DNAI3: variants seen among roughly 807,000 people sequenced by gnomAD.
DNAI3 encodes WD repeat domain 63.
A neutral mutation model predicts 115.5 loss-of-function variants in DNAI3; 83 were observed. That is an observed-to-expected ratio of 0.72 (90% confidence interval 0.60 to 0.86). DNAI3 has a LOEUF of 0.86. Among genes scored for constraint, DNAI3 ranks in the 40% least tolerant of loss-of-function variants. The pLI is 0.00. For synonymous variants in DNAI3, 320 were observed against 347.0 expected (o/e 0.92, Z 0.86); for missense variants, 1,004 against 1,075.8 (o/e 0.93, Z 0.93).
intron 16 of DNAI3, 138 bp from the exon 17 acceptor site, chr1:85,117,591 G>T (rs1048029945): frequency 2.6e-6 from 3 of 1,167,952 alleles, no homozygotes. Flanking sequence ...ATCTAAAAAT[G>T]CTTGGACTTA....
chr1:85,082,704 C>T (rs1325151067), intron 5 of DNAI3, among the ~76,000 whole-genome samples: 5 of 152,242 alleles, frequency 3.3e-5, no homozygotes, highest in African/African-American at 9.6e-5. Context: ...GGTACCTCTG[C>T]GGGGATCCCT....
At chr1:85,097,712 A>G in intron 12 of DNAI3, 57 bp downstream of exon 12, 2 of 1,480,424 alleles carry the variant, frequency 1.4e-6, no homozygotes, top group Non-Finnish European at 1.8e-6. Flanking sequence ...GTTTATGGAA[A>G]AGTACATAAT....
At position 85,084,839 on chromosome 1, in the gene DNAI3, G is replaced by A. The variant is rs571617158; in HGVS notation, c.540+144G>A. The A allele has an allele frequency of 1.3e-5, 11 of 823,728 alleles. No homozygotes were observed. The South Asian group carries it at 4.9e-4, about 36-fold the overall frequency. 51.0% of individuals were successfully genotyped at this position (823,728 alleles called of 1,614,324 possible). A position where few individuals can be genotyped will look rare whatever the true frequency, so the allele number is the denominator to read the frequency against. The stretch of plus-strand genomic sequence containing the variant: ...TTTTGGTTTGCTTTTATAGAAGAAT[G>A]GTCATTGTCTTAAGTGGGTGTTATG... On this transcript the variant is annotated intron_variant, in intron 6 of 22. Coordinates refer to ENST00000294664, the MANE Select transcript of DNAI3 (RefSeq NM_145172.5).
At chr1:85,125,861 A>G (rs1193497011) in intron 19 of DNAI3, among the ~76,000 whole-genome samples, 1 of 152,234 alleles carries the variant, frequency 6.6e-6, no homozygotes, top group Non-Finnish European at 1.5e-5. Flanking sequence ...GGTAGAAAGC[A>G]CATTCTATTC....
intron 11 of DNAI3, among the ~76,000 whole-genome samples, chr1:85,096,732 G>A (rs1337443799): frequency 6.6e-6 from 1 of 151,984 alleles, no homozygotes; most frequent in East Asian, 1.9e-4. Flanking sequence ...TGTGTGGTTT[G>A]AAAAACTTCC....
intron 17 of DNAI3, among the ~76,000 whole-genome samples, chr1:85,119,448 C>T (rs1655925797): frequency 6.6e-6 from 1 of 152,166 alleles, no homozygotes; most frequent in Non-Finnish European, 1.5e-5. Flanking sequence ...TCCTTTTGTG[C>T]ACCAAAGTTT....
intron 1 of DNAI3, among the ~76,000 whole-genome samples, chr1:85,066,180 C>T (rs1272607308): frequency 6.6e-6 from 1 of 152,054 alleles, no homozygotes; most frequent in Non-Finnish European, 1.5e-5. Context: ...TTAAACATTT[C>T]TAAGTGTTAC....
At chr1:85,102,539 G>T (rs1216386706) in intron 13 of DNAI3, among the ~76,000 whole-genome samples, 1 of 152,084 alleles carries the variant, frequency 6.6e-6, no homozygotes, top group East Asian at 1.9e-4. Context: ...GTGCCATTTT[G>T]GATTTATTTA....
intron 1 of DNAI3, among the ~76,000 whole-genome samples, chr1:85,065,484 C>T (rs1340539419): frequency 1.3e-5 from 2 of 152,102 alleles, no homozygotes; most frequent in Non-Finnish European, 2.9e-5. Context: ...GATAGTTATC[C>T]TTGGCTACAG....
In DNAI3 at chr1:85,104,602, G is replaced by A. The variant is rs768785842; in HGVS notation, c.1553+5G>A. 1.1e-5 allele frequency: 17 copies of A among 1,612,976 alleles called. No individual in the cohort carries two copies. Among genetic ancestry groups the A allele is most frequent in the African/African-American group, 5.3e-5 (4 of 74,922 alleles). On this transcript the variant is annotated splice_donor_5th_base_variant and intron_variant, in intron 14 of 22. Transcript: ENST00000294664. ...TGTCACATGTTCAGCAGATTGGTAA[G>A]TCTTGTTTCAAACATTTCCTAATGT...
rs141494762 is a variant in DNAI3 at position 85,094,457 on chromosome 1, C to T, written c.1075C>T (p.Arg359Ter). 4.8e-5 allele frequency: 77 copies of T among 1,614,012 alleles called. No homozygotes were observed. In the South Asian group the frequency reaches 5.9e-4, roughly 12 times the overall value. The change falls in exon 10 of 23, where the codon CGA becomes TGA. Residue 359 changes from arginine (R) to a stop codon, truncating the protein, a stop_gained. Transcript: ENST00000294664. LOFTEE classifies it high-confidence loss of function. ...YGLIAVSVAV[R>*]LSFEDRVHFS... is the part of the protein sequence containing the mutation. ...GCTAATAGCTGTGTCGGTAGCCGTGCGACTTTCTTTTGAAGACAGAGTTCA... is the reference window on the plus strand; with the variant it reads ...GCTAATAGCTGTGTCGGTAGCCGTGTGACTTTCTTTTGAAGACAGAGTTCA...
chr1:85,131,994 C>T (rs996045010), intron 22 of DNAI3, among the ~76,000 whole-genome samples: 36 of 152,140 alleles, frequency 2.4e-4, no homozygotes, highest in African/African-American at 8.5e-4. Context: ...GCCACCACTT[C>T]TCAAATTTTC....
At chr1:85,069,637 C>T (rs925343730) in intron 1 of DNAI3, among the ~76,000 whole-genome samples, 12 of 151,996 alleles carry the variant, frequency 7.9e-5, no homozygotes, top group African/African-American at 1.7e-4. Context: ...CCACCCACCT[C>T]GGCCTCCCAA....
At chr1:85,081,459 G>C (rs772324103) in intron 4 of DNAI3, 44 bp downstream of exon 4, 15 of 1,486,384 alleles carry the variant, frequency 1.0e-5, no homozygotes, top group Non-Finnish European at 1.3e-5. Context: ...ACCTCAAGAA[G>C]TTCCTGGTAC....
intron 13 of DNAI3, among the ~76,000 whole-genome samples, chr1:85,103,939 A>G (rs1655407139): frequency 6.8e-6 from 1 of 147,196 alleles, no homozygotes; most frequent in East Asian, 2.0e-4. Context: ...ATAATTTATG[A>G]ATATATAGGT....
At chr1:85,081,650 G>T (rs545992863) in intron 4 of DNAI3, among the ~76,000 whole-genome samples, 1 of 152,070 alleles carries the variant, frequency 6.6e-6, no homozygotes, top group South Asian at 2.1e-4. Context: ...CCCAGTTTTT[G>T]TTTTGTTTTG....
At chr1:85,090,004 A>G in intron 7 of DNAI3, 112 bp from the exon 8 acceptor site, 1 of 414,094 alleles carries the variant, frequency 2.4e-6, no homozygotes, top group Non-Finnish European at 4.3e-6. Flanking sequence ...ATTTAAATAT[A>G]AAATAATATC....
chr1:85,124,321 T>C lies in DNAI3; in HGVS notation c.2112+70T>C, dbSNP rs558868562. On this transcript the variant is annotated intron_variant, in intron 19 of 22. Coordinates refer to ENST00000294664, the MANE Select transcript of DNAI3 (RefSeq NM_145172.5). ...TATTCAGAAAGACAAGAGGAACTGT[T>C]ATGTTCTGACATAATAGTGCCTTTG... The C allele has an allele frequency of 1.5e-5, 24 of 1,610,436 alleles. No homozygotes were observed. The South Asian group carries it at 2.3e-4, about 16-fold the overall frequency.
At chr1:85,069,387 ATTTG>A (rs1209653594) in intron 1 of DNAI3, among the ~76,000 whole-genome samples, 6 of 151,488 alleles carry the variant, frequency 4.0e-5, no homozygotes, top group Admixed American at 1.3e-4. Flanking sequence ...TTCCTCCTTT[ATTTG>A]TTTATTTGTT....
Sources: gnomAD v4.1 joint callset for allele counts (sites outside exome capture counted in the v4.1 genomes callset) on GRCh38, gnomAD v4.1.1 for gene constraint, MANE v1.5 for transcripts, NCBI Gene and HGNC (gene_info 2026-07-23, HGNC 2026-07-21) for gene names.